ADAMTSL1: variants seen among roughly 807,000 people sequenced by gnomAD.
ADAMTSL1 encodes ADAMTS like 1, also known as ADAMTS-like protein 1.
A neutral mutation model predicts 201.8 loss-of-function variants in ADAMTSL1; 126 were observed. The ratio of observed to expected loss-of-function variants is 0.62; its 90% confidence interval spans 0.54 to 0.72. The LOEUF (loss-of-function observed/expected upper bound fraction) is 0.72, where lower values mean the gene tolerates loss of function less well. ADAMTSL1 is among the 30% of genes least tolerant of loss of function. ADAMTSL1 has a pLI of 0.00. For synonymous variants in ADAMTSL1, 1,121 were observed against 903.4 expected, an observed-to-expected ratio of 1.24 and a Z score of -4.32; for missense variants, 2,679 against 2,277.8, an observed-to-expected ratio of 1.18 and a Z score of -3.59.
intron 2 of ADAMTSL1, among the ~76,000 whole-genome samples, chr9:18,261,701 C>T (rs7039570): frequency 0.41 from 62,590 of 152,000 alleles, 13,210 homozygotes; most frequent in South Asian, 0.5. Flanking sequence ...TGTTGTCCCA[C>T]AGTGTAGCTG....
chr9:18,666,164 G>T (rs1293137270), intron 9 of ADAMTSL1, among the ~76,000 whole-genome samples: 2 of 152,134 alleles, frequency 1.3e-5, no homozygotes, highest in African/African-American at 4.8e-5. Flanking sequence ...AGCCATGCTG[G>T]CTGCCCAGCA....
At chr9:18,636,135 T>C (rs1488380390) in intron 6 of ADAMTSL1, 118 bp downstream of exon 6, 4 of 852,754 alleles carry the variant, frequency 4.7e-6, no homozygotes, top group East Asian at 3.0e-5. Context: ...TATCATAATA[T>C]GATATTTTGA....
At chr9:18,657,584 G>A in intron 7 of ADAMTSL1, 55 bp from the exon 8 acceptor site, 4 of 1,362,646 alleles carry the variant, frequency 2.9e-6, no homozygotes, top group African/African-American at 2.9e-5. Flanking sequence ...AGCTGCAAGG[G>A]ACCAGAAAGC....
At chr9:18,437,777 G>C (rs1277860375) in intron 2 of ADAMTSL1, among the ~76,000 whole-genome samples, 1 of 152,100 alleles carries the variant, frequency 6.6e-6, no homozygotes. Context: ...TTAACCCCAG[G>C]AGATCACATG....
chr9:18,715,245 A>C lies in ADAMTSL1; in HGVS notation c.1877-6291A>C, dbSNP rs903777814. Among the ~76,000 whole-genome samples, 27 of 150,708 alleles carry C rather than the reference A, an allele frequency of 1.8e-4. 1 individual carries two copies. The South Asian group carries it at 3.4e-3, about 19-fold the overall frequency. ...GTTGGAAGTTCTGGCCAGGGCAATT[A>C]GGCAGGAGAAGGAAATAAAGGGTAT... On this transcript the variant is annotated intron_variant, in intron 14 of 28. Transcript: ENST00000380548.
At chr9:18,082,000 T>C (rs1456546885) in intron 1 of ADAMTSL1, among the ~76,000 whole-genome samples, 1 of 152,210 alleles carries the variant, frequency 6.6e-6, no homozygotes. Context: ...GGTGGCTTAA[T>C]ATATTTTAAA....
At chr9:18,292,965 A>C (rs1472788522) in intron 2 of ADAMTSL1, among the ~76,000 whole-genome samples, 4 of 152,224 alleles carry the variant, frequency 2.6e-5, no homozygotes, top group African/African-American at 4.8e-5. Flanking sequence ...AACCTTGACT[A>C]ATACAGGGGC....
chr9:18,020,311 G>A (rs2131581174), intron 1 of ADAMTSL1, among the ~76,000 whole-genome samples: 1 of 152,152 alleles, frequency 6.6e-6, no homozygotes, highest in South Asian at 2.1e-4. Flanking sequence ...ATATAGCACT[G>A]CAAAAGCGAT....
intron 23 of ADAMTSL1, among the ~76,000 whole-genome samples, chr9:18,837,174 G>C (rs1284338915): frequency 2.0e-5 from 3 of 152,212 alleles, no homozygotes; most frequent in Admixed American, 1.3e-4. Flanking sequence ...TTGTATTTAA[G>C]AAATCTTTGC....
At chr9:18,063,264 A>T (rs1207166471) in intron 1 of ADAMTSL1, among the ~76,000 whole-genome samples, 2 of 152,160 alleles carry the variant, frequency 1.3e-5, no homozygotes, top group Admixed American at 1.3e-4. Context: ...TAGGGAGATC[A>T]CTTGAGCCCA....
At chr9:18,792,076 C>CAAAAAAAA (rs372062110) in intron 19 of ADAMTSL1, among the ~76,000 whole-genome samples, 113 of 147,106 alleles carry the variant, frequency 7.7e-4, no homozygotes, top group African/African-American at 2.6e-3. Context: ...TAGTTGTATG[C>CAAAAAAAA]AAAAAAAAAA....
At chr9:18,360,177 C>A (rs2133074585) in intron 2 of ADAMTSL1, among the ~76,000 whole-genome samples, 1 of 152,202 alleles carries the variant, frequency 6.6e-6, no homozygotes, top group Non-Finnish European at 1.5e-5. Context: ...GCTCTGTCCT[C>A]TGATCCCCAA....
intron 2 of ADAMTSL1, among the ~76,000 whole-genome samples, chr9:18,285,997 A>G (rs1445289995): frequency 2.6e-5 from 4 of 151,978 alleles, no homozygotes; most frequent in African/African-American, 9.7e-5. Flanking sequence ...TCATTCTCCA[A>G]GTTCCCAACC....
At chr9:18,240,826 T>C (rs1264085650) in intron 2 of ADAMTSL1, among the ~76,000 whole-genome samples, 1 of 152,216 alleles carries the variant, frequency 6.6e-6, no homozygotes, top group Non-Finnish European at 1.5e-5. Context: ...TGTATCAGCA[T>C]CTGCTGCTTT....
At chr9:17,966,763 C>A (rs968681254) in intron 1 of ADAMTSL1, among the ~76,000 whole-genome samples, 1 of 152,010 alleles carries the variant, frequency 6.6e-6, no homozygotes, top group African/African-American at 2.4e-5. Context: ...TCTAGCATTT[C>A]TTTTTCTTTT....
At chr9:18,046,596 G>A (rs1282260773) in intron 1 of ADAMTSL1, among the ~76,000 whole-genome samples, 1 of 152,106 alleles carries the variant, frequency 6.6e-6, no homozygotes, top group Non-Finnish European at 1.5e-5. Flanking sequence ...AAAAGAAAAG[G>A]AGCAGTCTCT....
chr9:18,350,039 A>G (rs2226020), intron 2 of ADAMTSL1, among the ~76,000 whole-genome samples: 47,079 of 151,562 alleles, frequency 0.31, 7,791 homozygotes, highest in Admixed American at 0.49. Context: ...GGGCCTGAGC[A>G]CAGCCAGAAA....
chr9:18,604,972 A>G (rs1353235488), intron 4 of ADAMTSL1, among the ~76,000 whole-genome samples: 1 of 152,198 alleles, frequency 6.6e-6, no homozygotes, highest in East Asian at 1.9e-4. Context: ...CAGCTAGGAC[A>G]ATACCATTCC....
chr9:18,305,615 C>T (rs1024469168), intron 2 of ADAMTSL1, among the ~76,000 whole-genome samples: 1 of 152,218 alleles, frequency 6.6e-6, no homozygotes, highest in Non-Finnish European at 1.5e-5. Flanking sequence ...GCAGAGCCCA[C>T]TGCAGCTCAG....
Sources: allele counts gnomAD v4.1 joint callset (sites outside exome capture counted in the v4.1 genomes callset), GRCh38; gene constraint gnomAD v4.1.1; transcripts MANE v1.5; gene names NCBI Gene and HGNC (gene_info 2026-07-23, HGNC 2026-07-21).